The following PTCHD4 variants were observed in gnomAD, a reference collection of about 807,000 sequenced individuals.
PTCHD4 encodes the protein patched domain containing 4, also known as patched domain-containing protein 4.
A neutral mutation model predicts 58.1 loss-of-function variants in PTCHD4; 33 were observed. The observed-to-expected ratio is 0.57, with a 90% CI of 0.43 to 0.76. PTCHD4 has a LOEUF of 0.76. Among genes scored for constraint, PTCHD4 ranks in the 30% least tolerant of loss-of-function variants. The probability of loss-of-function intolerance (pLI) is 0.00; values close to 1 mark genes in which losing one functional copy is unlikely to be tolerated. For synonymous variants in PTCHD4, 478 were observed against 409.6 expected (o/e 1.17, Z -2.02); for missense variants, 1,058 against 1,027.1 (o/e 1.03, Z -0.41).
chr6:47,999,252 T>C (rs1253252681), intron 4 of PTCHD4, among the ~76,000 whole-genome samples: 2 of 152,216 alleles, frequency 1.3e-5, no homozygotes, highest in East Asian at 1.9e-4. Flanking sequence ...GGAGCTGGAC[T>C]GGACTCCAAG....
chr6:48,011,101 G>C (rs1007799354), intron 3 of PTCHD4, among the ~76,000 whole-genome samples: 1 of 152,114 alleles, frequency 6.6e-6, no homozygotes, highest in Admixed American at 6.5e-5. Flanking sequence ...CCCAGCAATG[G>C]GATTGCTTGG....
intron 3 of PTCHD4, among the ~76,000 whole-genome samples, chr6:48,043,208 T>A (rs1485563719): frequency 6.6e-6 from 1 of 151,872 alleles, no homozygotes; most frequent in Non-Finnish European, 1.5e-5. Flanking sequence ...TATGGAGAAA[T>A]ACACAAAAGT....
At chr6:48,040,490 G>A (rs1032512334) in intron 3 of PTCHD4, among the ~76,000 whole-genome samples, 2 of 151,716 alleles carry the variant, frequency 1.3e-5, no homozygotes, top group Non-Finnish European at 2.9e-5. Flanking sequence ...AAAATGTCTG[G>A]TGCATCCTAT....
intron 4 of PTCHD4, among the ~76,000 whole-genome samples, chr6:47,999,163 A>G (rs1768616974): frequency 6.6e-6 from 1 of 152,230 alleles, no homozygotes; most frequent in African/African-American, 2.4e-5. Flanking sequence ...ATGTTAAAAT[A>G]CAATGAGTTC....
intron 4 of PTCHD4, among the ~76,000 whole-genome samples, chr6:47,915,781 A>T (rs1765224986): frequency 6.6e-6 from 1 of 152,124 alleles, no homozygotes; most frequent in South Asian, 2.1e-4. Flanking sequence ...GTACTGGCAC[A>T]ACGAAGCACA....
intron 1 of PTCHD4, among the ~76,000 whole-genome samples, chr6:48,073,445 A>C (rs111475060): frequency 4.6e-5 from 7 of 152,222 alleles, no homozygotes; most frequent in African/African-American, 1.7e-4. Flanking sequence ...TCACTTGCTC[A>C]ATTCACTCAT....
At chr6:48,037,498 A>G (rs1317138000) in intron 3 of PTCHD4, among the ~76,000 whole-genome samples, 1 of 152,194 alleles carries the variant, frequency 6.6e-6, no homozygotes, top group East Asian at 1.9e-4. Context: ...TTAGAAAGGA[A>G]GTATGCACAG....
rs1763333258 is a variant in PTCHD4, at chr6:47,857,548, T to G, written c.*20755A>C. 1.3e-5 allele frequency among the ~76,000 whole-genome samples: 2 copies of G among 152,044 alleles called. No homozygotes were observed. Among genetic ancestry groups the G allele is most frequent in the South Asian group, 4.1e-4 (2 of 4,828 alleles). On this transcript the variant is annotated 3_prime_UTR_variant, in exon 5 of 5. Coordinates refer to ENST00000339488, the MANE Select transcript of PTCHD4 (RefSeq NM_001384253.1). The stretch of plus-strand genomic sequence containing the variant: ...AGTAGTCACAGGTGATATCTACATT[T>G]CTTTATTGCATTCTGATTTTTTCAA...
chr6:48,097,448 A>C (rs1036482946), intron 1 of PTCHD4, among the ~76,000 whole-genome samples: 8 of 151,124 alleles, frequency 5.3e-5, no homozygotes, highest in African/African-American at 1.9e-4. Flanking sequence ...TAAATTATAG[A>C]TTTGGAATTT....
At chr6:47,929,102 A>T (rs1765725689) in intron 4 of PTCHD4, among the ~76,000 whole-genome samples, 1 of 152,202 alleles carries the variant, frequency 6.6e-6, no homozygotes, top group Non-Finnish European at 1.5e-5. Flanking sequence ...ATTTCATTTT[A>T]ATAACCAGAC....
intron 1 of PTCHD4, among the ~76,000 whole-genome samples, chr6:48,091,592 T>C (rs1462987787): frequency 6.6e-6 from 1 of 152,094 alleles, no homozygotes; most frequent in Non-Finnish European, 1.5e-5. Context: ...TTTCTTTTTC[T>C]TTTCTGTTTT....
At chr6:47,958,311 A>G (rs772851071) in intron 4 of PTCHD4, among the ~76,000 whole-genome samples, 3 of 152,226 alleles carry the variant, frequency 2.0e-5, no homozygotes, top group Non-Finnish European at 4.4e-5. Flanking sequence ...CACACCTGAA[A>G]CAACCAAGAC....
rs534173475 is a variant in PTCHD4, at chr6:48,095,310, C to A, written c.-970+15739G>T. Among the ~76,000 whole-genome samples, 5 of 152,248 alleles carry A rather than the reference C, an allele frequency of 3.3e-5. No homozygotes were observed. The East Asian group carries it at 7.7e-4, about 23-fold the overall frequency. On this transcript the variant is annotated intron_variant, in intron 1 of 4. Coordinates refer to ENST00000339488, the MANE Select transcript of PTCHD4 (RefSeq NM_001384253.1). ...CAAATATTTCCTTGGATTGCACCTACGAAGATATACCTGTCTGACATAGGA... is the reference window on the plus strand; with the variant it reads ...CAAATATTTCCTTGGATTGCACCTAAGAAGATATACCTGTCTGACATAGGA...
intron 4 of PTCHD4, among the ~76,000 whole-genome samples, chr6:47,928,431 A>C (rs188540385): frequency 1.4e-3 from 212 of 152,328 alleles, no homozygotes; most frequent in African/African-American, 4.5e-3. Context: ...GATTCCAAAA[A>C]AGTCTCCCTA....
In PTCHD4 at chr6:47,865,918, T is replaced by A. The variant is rs530997426; in HGVS notation, c.*12385A>T. The stretch of plus-strand genomic sequence containing the variant: ...CAACTCCTGTACTGGAAATGTACCC[T>A]CAAGCTAAATTGAGTTCGTTGACCC... On this transcript the variant is annotated 3_prime_UTR_variant, in exon 5 of 5. Transcript: ENST00000339488. 2.6e-5 allele frequency among the ~76,000 whole-genome samples: 4 copies of A among 152,032 alleles called. No homozygotes were observed. Among genetic ancestry groups the A allele is most frequent in the Admixed American group, 1.3e-4 (2 of 15,242 alleles).
intron 3 of PTCHD4, among the ~76,000 whole-genome samples, chr6:48,015,562 T>C (rs922387268): frequency 6.6e-6 from 1 of 151,952 alleles, no homozygotes; most frequent in South Asian, 2.1e-4. Flanking sequence ...TCCCTCTGCC[T>C]GAAATGCTTT....
At chr6:47,931,767 G>A (rs1045855419) in intron 4 of PTCHD4, among the ~76,000 whole-genome samples, 1 of 144,780 alleles carries the variant, frequency 6.9e-6, no homozygotes, top group South Asian at 2.1e-4. Context: ...GCATAATAAT[G>A]GCACACAATA....
chr6:48,015,073 T>C (rs1762821283), intron 3 of PTCHD4, among the ~76,000 whole-genome samples: 3 of 150,560 alleles, frequency 2.0e-5, no homozygotes, highest in Admixed American at 1.3e-4. Flanking sequence ...CCTACAAAAG[T>C]TCTGAAATTC....
intron 4 of PTCHD4, among the ~76,000 whole-genome samples, chr6:47,926,052 A>G (rs1765602651): frequency 6.6e-6 from 1 of 152,132 alleles, no homozygotes; most frequent in African/African-American, 2.4e-5. Context: ...CTGCATTCAA[A>G]GGTGTTGTAG....
Sources: gnomAD v4.1 joint callset for allele counts (sites outside exome capture counted in the v4.1 genomes callset) on GRCh38, gnomAD v4.1.1 for gene constraint, MANE v1.5 for transcripts, NCBI Gene and HGNC (gene_info 2026-07-23, HGNC 2026-07-21) for gene names.